CTNNA2: variants seen among roughly 807,000 people sequenced by gnomAD.
The protein encoded by CTNNA2 is catenin alpha-2.
CTNNA2 carries 42 observed loss-of-function variants against 101.0 expected under a neutral mutation model. That is an observed-to-expected ratio of 0.42 (90% CI 0.32 to 0.54). The LOEUF (loss-of-function observed/expected upper bound fraction) is 0.54. CTNNA2 is among the 20% of genes least tolerant of loss of function. The pLI, the probability that CTNNA2 is intolerant of heterozygous loss-of-function variation, is 0.14. For synonymous variants in CTNNA2, 450 were observed against 456.4 expected, an observed-to-expected ratio of 0.99 and a Z score of 0.18; for missense variants, 871 against 1,223.1, an observed-to-expected ratio of 0.71 and a Z score of 4.29.
intron 1 of CTNNA2, among the ~76,000 whole-genome samples, chr2:79,603,041 G>A (rs112215132): frequency 2.2e-3 from 330 of 152,194 alleles, no homozygotes; most frequent in African/African-American, 7.7e-3. Context: ...TAAAGCCACA[G>A]TAGTTAAAAC....
At chr2:79,759,744 TC>T (rs905584706) in intron 3 of CTNNA2, among the ~76,000 whole-genome samples, 1 of 152,186 alleles carries the variant, frequency 6.6e-6, no homozygotes, top group Non-Finnish European at 1.5e-5. Flanking sequence ...TTCTTCTTTG[TC>T]AATCATTTTA....
intron 7 of CTNNA2, among the ~76,000 whole-genome samples, chr2:79,939,908 C>G (rs892761858): frequency 6.6e-6 from 1 of 152,134 alleles, no homozygotes; most frequent in African/African-American, 2.4e-5. Context: ...GCCTGACCAA[C>G]AGGGAGAAAT....
At chr2:79,510,846 C>G (rs1671519344), upstream of CTNNA2, among the ~76,000 whole-genome samples, 1 of 152,268 alleles carries the variant, frequency 6.6e-6, no homozygotes, top group East Asian at 1.9e-4. Context: ...AAAGTCACTA[C>G]AAAACAACAA....
intron 2 of CTNNA2, among the ~76,000 whole-genome samples, chr2:79,288,248 C>G (rs1675678677): frequency 6.6e-6 from 1 of 152,232 alleles, no homozygotes; most frequent in Non-Finnish European, 1.5e-5. Context: ...AGAGCTGTTC[C>G]TATTCGGCCA....
intron 7 of CTNNA2, among the ~76,000 whole-genome samples, chr2:79,934,635 A>G (rs182118835): frequency 0.011 from 1,644 of 152,280 alleles, 99 homozygotes; most frequent in Admixed American, 0.097. Context: ...GGCTTAAGGG[A>G]CTGGTTGCCT....
At chr2:80,628,952 C>T (rs374672753) in intron 18 of CTNNA2, among the ~76,000 whole-genome samples, 2 of 152,214 alleles carry the variant, frequency 1.3e-5, no homozygotes, top group East Asian at 3.9e-4. Context: ...GGCTATATGA[C>T]CTGAGCAAGT....
intron 8 of CTNNA2, among the ~76,000 whole-genome samples, chr2:80,399,943 A>G (rs978034736): frequency 1.3e-5 from 2 of 152,156 alleles, no homozygotes; most frequent in Non-Finnish European, 2.9e-5. Flanking sequence ...TCATTTTACT[A>G]CACCCATCCT....
At chr2:79,982,358 C>CA (rs759445150) in intron 7 of CTNNA2, among the ~76,000 whole-genome samples, 48 of 132,488 alleles carry the variant, frequency 3.6e-4, no homozygotes, top group East Asian at 2.2e-3. Flanking sequence ...CCTATATAAC[C>CA]TATATAACAT....
intron 7 of CTNNA2, among the ~76,000 whole-genome samples, chr2:80,107,370 G>T (rs1011950156): frequency 6.6e-6 from 1 of 151,850 alleles, no homozygotes; most frequent in Non-Finnish European, 1.5e-5. Context: ...CAGGGGGATG[G>T]TTGGCCCTAG....
chr2:79,468,403 G>C (rs1670962003), intron 4 of CTNNA2, among the ~76,000 whole-genome samples: 1 of 152,050 alleles, frequency 6.6e-6, no homozygotes, highest in South Asian at 2.1e-4. Flanking sequence ...CCAACAAAGA[G>C]ACTTAGACTC....
intron 4 of CTNNA2, among the ~76,000 whole-genome samples, chr2:79,486,717 C>G (rs1325357366): frequency 6.6e-6 from 1 of 152,146 alleles, no homozygotes; most frequent in Non-Finnish European, 1.5e-5. Flanking sequence ...CCTATTTCTC[C>G]ACATCCTCTC....
At chr2:80,295,364 C>T (rs1675653372) in intron 7 of CTNNA2, among the ~76,000 whole-genome samples, 1 of 152,118 alleles carries the variant, frequency 6.6e-6, no homozygotes, top group African/African-American at 2.4e-5. Context: ...AATTCTCCCA[C>T]CCATACATGC....
chr2:80,409,416 C>T (rs998370582), intron 8 of CTNNA2, among the ~76,000 whole-genome samples: 2 of 152,160 alleles, frequency 1.3e-5, no homozygotes, highest in Non-Finnish European at 2.9e-5. Flanking sequence ...TACCTGTAAG[C>T]ACCATTTATG....
In CTNNA2 at chr2:79,353,936, GT is replaced by G. The variant is rs1340761724; in HGVS notation, c.-317-19891del. On this transcript the variant is annotated intron_variant, in intron 3 of 21. Coordinates refer to the CTNNA2 transcript ENST00000466387. ...ATTTCTTCTTCACTTATTATGCTTA[GT>G]TTTGCAGGAAATTAAATTCTTGGTT... is the stretch of plus-strand genomic sequence containing the variant. 1.1e-4 allele frequency among the ~76,000 whole-genome samples: 16 copies of G among 152,076 alleles called. No individual in the cohort carries two copies. The East Asian group carries it at 2.9e-3, about 28-fold the overall frequency.
At chr2:79,765,852 T>A (rs985825798) in intron 3 of CTNNA2, among the ~76,000 whole-genome samples, 20 of 152,228 alleles carry the variant, frequency 1.3e-4, no homozygotes, top group African/African-American at 4.8e-4. Context: ...GTTACTTGCG[T>A]ACTCCCTCAC....
rs553152223 is a variant in CTNNA2, at chr2:80,457,003, A to C, written c.1290+37402A>C. On this transcript the variant is annotated intron_variant, in intron 9 of 18. Coordinates refer to ENST00000402739, the MANE Select transcript of CTNNA2 (RefSeq NM_001282597.3). ...AGAAAGTATTTGGAATGTTTTCAAC[A>C]CGAAAGAATGATAACTGTTTGAGGT... Among the ~76,000 whole-genome samples, 6 of 152,360 alleles carry C rather than the reference A, an allele frequency of 3.9e-5. No individual in the cohort carries two copies. The South Asian group carries it at 1.2e-3, about 32-fold the overall frequency.
chr2:79,547,641 G>A (rs1673820496), intron 1 of CTNNA2: 1 of 151,936 alleles, frequency 6.6e-6, no homozygotes, highest in Non-Finnish European at 1.5e-5. Context: ...ATCTTCGTAG[G>A]GCCTCCCTCT....
At chr2:80,096,788 G>T (rs964545060) in intron 7 of CTNNA2, among the ~76,000 whole-genome samples, 1 of 152,058 alleles carries the variant, frequency 6.6e-6, no homozygotes, top group African/African-American at 2.4e-5. Context: ...TTTGATGTTT[G>T]TTGGTTTAAA....
chr2:80,210,143 T>C (rs1707794001), intron 7 of CTNNA2, among the ~76,000 whole-genome samples: 1 of 152,228 alleles, frequency 6.6e-6, no homozygotes, highest in African/African-American at 2.4e-5. Context: ...GTTTTTTAGA[T>C]AACTTTAGGG....
Sources: gnomAD v4.1 joint callset for allele counts (sites outside exome capture counted in the v4.1 genomes callset) on GRCh38, gnomAD v4.1.1 for gene constraint, MANE v1.5 for transcripts, NCBI Gene and HGNC (gene_info 2026-07-23, HGNC 2026-07-21) for gene names.